TSPAN5: variants seen among roughly 807,000 people sequenced by gnomAD.
The protein encoded by TSPAN5 is tetraspanin 5, also known as tetraspanin-5.
In TSPAN5, 10 loss-of-function variants were observed where a neutral mutation model predicts 37.1. That is an observed-to-expected ratio of 0.27 (90% confidence interval 0.17 to 0.46). The LOEUF (loss-of-function observed/expected upper bound fraction) is 0.46, where lower values mean the gene tolerates loss of function less well. TSPAN5 is among the 20% of genes least tolerant of loss of function. TSPAN5 has a pLI of 1.00. For missense variants in TSPAN5, 195 were observed against 326.6 expected, an observed-to-expected ratio of 0.60 and a Z score of 3.11; for synonymous variants, 110 against 118.9, an observed-to-expected ratio of 0.93 and a Z score of 0.48.
chr4:98,493,268 G>C (rs1177249615), intron 2 of TSPAN5, among the ~76,000 whole-genome samples: 1 of 152,194 alleles, frequency 6.6e-6, no homozygotes, highest in Admixed American at 6.5e-5. Context: ...TGCACACACA[G>C]AGCTTGGCAT....
chr4:98,617,628 A>G (rs1756371867), intron 1 of TSPAN5, among the ~76,000 whole-genome samples: 1 of 152,218 alleles, frequency 6.6e-6, no homozygotes, highest in Non-Finnish European at 1.5e-5. Flanking sequence ...CCTGCAAGGC[A>G]CAGTAGCTGA....
intron 2 of TSPAN5, among the ~76,000 whole-genome samples, chr4:98,488,449 A>G (rs1560509407): frequency 6.6e-6 from 1 of 152,236 alleles, no homozygotes; most frequent in Non-Finnish European, 1.5e-5. Flanking sequence ...CTTATAATGT[A>G]AAACTTAAAC....
intron 1 of TSPAN5, among the ~76,000 whole-genome samples, chr4:98,588,603 C>T (rs1456499601): frequency 6.6e-6 from 1 of 151,792 alleles, no homozygotes; most frequent in Non-Finnish European, 1.5e-5. Flanking sequence ...CTCATTATTC[C>T]CAATGCTTCA....
At chr4:98,623,236 C>CA (rs1457404015) in intron 1 of TSPAN5, among the ~76,000 whole-genome samples, 1 of 152,134 alleles carries the variant, frequency 6.6e-6, no homozygotes, top group African/African-American at 2.4e-5. Context: ...AGACCTCCCC[C>CA]AAGGGAACTG....
At chr4:98,540,836 C>T (rs1422863760) in intron 1 of TSPAN5, among the ~76,000 whole-genome samples, 1 of 152,196 alleles carries the variant, frequency 6.6e-6, no homozygotes, top group African/African-American at 2.4e-5. Context: ...ATAGGCTGAT[C>T]AATCGCTTCT....
rs142483226 is a variant in TSPAN5, at chr4:98,653,454, A to G, written c.81+4692T>C. Among the ~76,000 whole-genome samples, 159 of 152,294 alleles carry G rather than the reference A, an allele frequency of 1.0e-3. 1 individual carries two copies. Among genetic ancestry groups the G allele is most frequent in the African/African-American group, 3.7e-3 (154 of 41,568 alleles). On this transcript the variant is annotated intron_variant, in intron 1 of 7. Coordinates refer to ENST00000305798, the MANE Select transcript of TSPAN5 (RefSeq NM_005723.4). Reference sequence around the variant, plus strand: ...TTTTCTAATCCTTTGTAGCAAAGAAAACAGAAAAATGACTTGGTTCTCCCA... The same window carrying G: ...TTTTCTAATCCTTTGTAGCAAAGAAGACAGAAAAATGACTTGGTTCTCCCA...
At chr4:98,582,419 G>GC (rs35395535) in intron 1 of TSPAN5, among the ~76,000 whole-genome samples, 84 of 151,696 alleles carry the variant, frequency 5.5e-4, no homozygotes, top group African/African-American at 1.9e-3. Context: ...ACACAAAACT[G>GC]CAAGGAAAAG....
rs114652225 is a variant in TSPAN5, at chr4:98,607,463, C to T, written c.81+50683G>A. On this transcript the variant is annotated intron_variant, in intron 1 of 7. Coordinates refer to ENST00000305798, the MANE Select transcript of TSPAN5 (RefSeq NM_005723.4). ...CTTTAAGTAGAAATTCTAACATCCA[C>T]TGTGTTTCTCTTTTTACTTTGGTTT... Among the ~76,000 whole-genome samples the T allele has an allele frequency of 2.8e-3, 423 of 152,288 alleles. 4 individuals are homozygous for T. Among genetic ancestry groups the T allele is most frequent in the African/African-American group, 9.2e-3 (383 of 41,552 alleles).
chr4:98,580,079 T>C (rs1487427158), intron 1 of TSPAN5, among the ~76,000 whole-genome samples: 4 of 152,216 alleles, frequency 2.6e-5, no homozygotes, highest in African/African-American at 9.6e-5. Flanking sequence ...GGAGAAAACC[T>C]TCCATACTCA....
intron 1 of TSPAN5, among the ~76,000 whole-genome samples, chr4:98,607,416 A>G (rs1756063099): frequency 6.6e-6 from 1 of 152,206 alleles, no homozygotes; most frequent in African/African-American, 2.4e-5. Context: ...AGACTGTCTT[A>G]CCTAACGAAA....
intron 1 of TSPAN5, among the ~76,000 whole-genome samples, chr4:98,555,560 T>C (rs1754722866): frequency 6.6e-6 from 1 of 152,172 alleles, no homozygotes; most frequent in South Asian, 2.1e-4. Context: ...ATCATGAGAA[T>C]GGAGACCATG....
At chr4:98,545,427 T>G (rs947467473) in intron 1 of TSPAN5, among the ~76,000 whole-genome samples, 1 of 152,244 alleles carries the variant, frequency 6.6e-6, no homozygotes, top group Non-Finnish European at 1.5e-5. Context: ...GCTGAAAATG[T>G]CCTAATTCAA....
At chr4:98,572,152 C>T (rs1422972398) in intron 1 of TSPAN5, among the ~76,000 whole-genome samples, 1 of 151,918 alleles carries the variant, frequency 6.6e-6, no homozygotes, top group Non-Finnish European at 1.5e-5. Flanking sequence ...TTAGTAGAGA[C>T]GGGGTTTCGC....
intron 3 of TSPAN5, chr4:98,484,491 G>C (rs866209509): frequency 2.2e-6 from 1 of 455,820 alleles, no homozygotes; most frequent in East Asian, 6.9e-5. Context: ...TAAAAGCCAA[G>C]AAACAACACA....
intron 1 of TSPAN5, among the ~76,000 whole-genome samples, chr4:98,561,449 C>A (rs1754881245): frequency 6.6e-6 from 1 of 152,138 alleles, no homozygotes; most frequent in South Asian, 2.1e-4. Flanking sequence ...GGCACAAATC[C>A]TGGAAAATGG....
chr4:98,498,612 T>C (rs1430714071), intron 2 of TSPAN5, among the ~76,000 whole-genome samples: 1 of 152,130 alleles, frequency 6.6e-6, no homozygotes, highest in East Asian at 1.9e-4. Flanking sequence ...AAGGTTTCTC[T>C]GGAGAAAGCA....
intron 1 of TSPAN5, among the ~76,000 whole-genome samples, chr4:98,608,316 A>T (rs1181581407): frequency 6.6e-6 from 1 of 152,134 alleles, no homozygotes; most frequent in East Asian, 1.9e-4. Flanking sequence ...TCCCCAGAAA[A>T]GGATGTGTAC....
At chr4:98,620,009 C>A (rs1756445505) in intron 1 of TSPAN5, among the ~76,000 whole-genome samples, 1 of 152,138 alleles carries the variant, frequency 6.6e-6, no homozygotes, top group Non-Finnish European at 1.5e-5. Context: ...CTGGGAGACA[C>A]AAACATTTAG....
At chr4:98,504,424 C>T (rs1011170347) in intron 2 of TSPAN5, among the ~76,000 whole-genome samples, 5 of 152,276 alleles carry the variant, frequency 3.3e-5, no homozygotes, top group Middle Eastern at 3.4e-3. Context: ...CTGCAGTTAC[C>T]AAGGAGATCA....
Sources: gnomAD v4.1 joint callset for allele counts (sites outside exome capture counted in the v4.1 genomes callset) on GRCh38, gnomAD v4.1.1 for gene constraint, MANE v1.5 for transcripts, NCBI Gene and HGNC (gene_info 2026-07-23, HGNC 2026-07-21) for gene names.